The following HECA variants were observed in gnomAD, a reference collection of about 807,000 sequenced individuals.
HECA encodes headcase protein homolog.
Under a neutral mutation model 37.6 loss-of-function variants are expected in HECA, and 13 were observed. The ratio of observed to expected loss-of-function variants is 0.35; its 90% CI spans 0.23 to 0.55. The LOEUF (loss-of-function observed/expected upper bound fraction) is 0.55, where lower values mean the gene tolerates loss of function less well. Ranked by LOEUF, HECA falls within the 20% of genes least tolerant of loss-of-function variation. The pLI, the probability that HECA is intolerant of heterozygous loss-of-function variation, is 0.90. For missense variants in HECA, 527 were observed against 701.9 expected, an observed-to-expected ratio of 0.75 and a Z score of 2.82; for synonymous variants, 307 against 291.5, an observed-to-expected ratio of 1.05 and a Z score of -0.54.
intron 1 of HECA, chr6:139,155,681 C>T (rs1462710742): frequency 1.3e-5 from 2 of 152,164 alleles, no homozygotes; most frequent in Non-Finnish European, 2.9e-5. Flanking sequence ...ACATTTCCTT[C>T]AGAGCATATT....
chr6:139,155,282 T>C (rs1774698415), intron 1 of HECA, among the ~76,000 whole-genome samples: 1 of 152,186 alleles, frequency 6.6e-6, no homozygotes, highest in South Asian at 2.1e-4. Flanking sequence ...TAAACAGTGG[T>C]ACACACATGT....
chr6:139,144,896 G>A (rs1251543321), intron 1 of HECA, among the ~76,000 whole-genome samples: 1 of 152,154 alleles, frequency 6.6e-6, no homozygotes, highest in Non-Finnish European at 1.5e-5. Flanking sequence ...GCAGCCCAGT[G>A]CTTTCTGAGC....
chr6:139,137,032 C>T (rs1562241398), intron 1 of HECA, among the ~76,000 whole-genome samples: 1 of 152,138 alleles, frequency 6.6e-6, no homozygotes. Flanking sequence ...CTGTAGGCCC[C>T]GTTGGCTGTG....
Position 139,166,716 on chromosome 6 carries a change from C to G in HECA, c.704C>G (p.Pro235Arg). ...CRPPNKPQKG[P>R]SHDLPRRHSM... ...CCCCCAAATAAGCCCCAGAAAGGCC[C>G]AAGCCACGACCTCCCCCGCCGGCAT... Residue 235 changes from proline (P) to arginine (R), a missense_variant, in exon 2 of 4, where the codon CCA becomes CGA. Pro to Arg is a moderately radical substitution (Grantham distance 103). This residue lies in a region of HECA where 228 missense variants were observed against 259.8 expected (regional missense o/e 0.88). Transcript: ENST00000367658. The G allele has an allele frequency of 6.2e-7, 1 of 1,608,196 alleles. No individual in the cohort carries two copies. Among genetic ancestry groups the G allele is most frequent in the Non-Finnish European group, 8.5e-7 (1 of 1,177,764 alleles).
At chr6:139,135,695 C>A in intron 1 of HECA, 28 bp downstream of exon 1, 1 of 969,272 alleles carries the variant, frequency 1.0e-6, no homozygotes, top group South Asian at 4.7e-5. Flanking sequence ...GGGCGAGCGC[C>A]AACTTCCTCC....
intron 1 of HECA, among the ~76,000 whole-genome samples, chr6:139,156,395 A>T (rs1454398054): frequency 1.3e-5 from 2 of 152,024 alleles, no homozygotes; most frequent in African/African-American, 2.4e-5. Flanking sequence ...TTTTTGATAG[A>T]GATGAGATCT....
chr6:139,144,210 A>G (rs777092196), intron 1 of HECA: 2 of 152,228 alleles, frequency 1.3e-5, no homozygotes, highest in Non-Finnish European at 1.5e-5. Context: ...TCCATTTACT[A>G]CATATTTATT....
rs189186424 is a variant in HECA at position 139,149,366 on chromosome 6, A to G, written c.271+13699A>G. ...GTTTTATCTGCAGAAAGTGAGCATGACATGATACTGTTTGTGACGAGCTCT... is the reference window on the plus strand; with the variant it reads ...GTTTTATCTGCAGAAAGTGAGCATGGCATGATACTGTTTGTGACGAGCTCT... On this transcript the variant is annotated intron_variant, in intron 1 of 3. Coordinates refer to ENST00000367658, the MANE Select transcript of HECA (RefSeq NM_016217.3). Among the ~76,000 whole-genome samples the G allele has an allele frequency of 1.7e-3, 264 of 152,350 alleles. 1 individual carries two copies. The highest frequency in any genetic ancestry group is 6.1e-3 in the Admixed American group (93 of 15,312).
At chr6:139,156,061 A>C (rs1774708194) in intron 1 of HECA, among the ~76,000 whole-genome samples, 1 of 151,832 alleles carries the variant, frequency 6.6e-6, no homozygotes, top group Non-Finnish European at 1.5e-5. Flanking sequence ...TTATATGTTT[A>C]TATTTTCTTA....
At chr6:139,146,428 C>T (rs1774584094) in intron 1 of HECA, among the ~76,000 whole-genome samples, 1 of 152,200 alleles carries the variant, frequency 6.6e-6, no homozygotes, top group East Asian at 1.9e-4. Flanking sequence ...TAAATGAGCA[C>T]TCCTGAGTGT....
rs1284265814 is a variant in HECA, at chr6:139,179,691, T to A, written c.*2586T>A. 1 of 152,204 alleles carries A rather than the reference T, an allele frequency of 6.6e-6. No homozygotes were observed. Among genetic ancestry groups the A allele is most frequent in the Non-Finnish European group, 1.5e-5 (1 of 68,032 alleles). 9.4% of individuals were successfully genotyped at this position (152,204 alleles called of 1,614,324 possible). On this transcript the variant is annotated 3_prime_UTR_variant, in exon 4 of 4. Transcript: ENST00000367658. The stretch of plus-strand genomic sequence containing the variant: ...CAACACCATGAAGATAAATCTTATT[T>A]TGGAAATCTACTGACCTTAATACCC...
intron 1 of HECA, among the ~76,000 whole-genome samples, chr6:139,141,355 CAT>C (rs1315222581): frequency 6.6e-6 from 1 of 152,142 alleles, no homozygotes; most frequent in Non-Finnish European, 1.5e-5. Flanking sequence ...GATTTTTACA[CAT>C]AGAATAGTTT....
intron 1 of HECA, among the ~76,000 whole-genome samples, chr6:139,136,887 G>C (rs893705813): frequency 6.6e-6 from 1 of 152,050 alleles, no homozygotes; most frequent in Non-Finnish European, 1.5e-5. Context: ...GCCCGTCTCG[G>C]CCTCCCAAAG....
intron 1 of HECA, among the ~76,000 whole-genome samples, chr6:139,156,078 A>G (rs1293166967): frequency 6.6e-6 from 1 of 152,116 alleles, no homozygotes; most frequent in Non-Finnish European, 1.5e-5. Flanking sequence ...CTTATAAACA[A>G]ATACTAACTT....
At chr6:139,159,431 A>T (rs951522819) in intron 1 of HECA, among the ~76,000 whole-genome samples, 1 of 152,138 alleles carries the variant, frequency 6.6e-6, no homozygotes, top group Non-Finnish European at 1.5e-5. Context: ...TGGAACCGGG[A>T]CTTACACATA....
Position 139,174,550 on chromosome 6 carries a change from A to G in HECA, c.1467+11A>G. 2 of 1,613,274 alleles carry G rather than the reference A, an allele frequency of 1.2e-6. No individual in the cohort carries two copies. Among genetic ancestry groups the G allele is most frequent in the Non-Finnish European group, 1.7e-6 (2 of 1,179,510 alleles). ...TCTCCATGTTGTCAGGTAGGTACTG[A>G]ACACACTGAGGGAGCAGTGGGTGAT... On this transcript the variant is annotated intron_variant, in intron 3 of 3. Transcript: ENST00000367658.
chr6:139,157,941 G>A (rs1411104365), intron 1 of HECA, among the ~76,000 whole-genome samples: 1 of 152,218 alleles, frequency 6.6e-6, no homozygotes, highest in African/African-American at 2.4e-5. Context: ...ACTTAATGTG[G>A]AGAAAGGAGG....
At chr6:139,151,031 C>T (rs1189137736) in intron 1 of HECA, 1 of 152,100 alleles carries the variant, frequency 6.6e-6, no homozygotes, top group Non-Finnish European at 1.5e-5. Context: ...CTTAGACATG[C>T]CCTCTTCTTT....
intron 1 of HECA, among the ~76,000 whole-genome samples, chr6:139,162,921 T>G (rs1418112479): frequency 1.3e-5 from 2 of 152,176 alleles, no homozygotes; most frequent in Non-Finnish European, 2.9e-5. Flanking sequence ...CTCTGCTGTC[T>G]TCTGTACCCT....
Sources: allele counts gnomAD v4.1 joint callset (sites outside exome capture counted in the v4.1 genomes callset), GRCh38; gene constraint gnomAD v4.1.1; regional missense constraint gnomAD v4.1.1; transcripts MANE v1.5; gene names NCBI Gene and HGNC (gene_info 2026-07-23, HGNC 2026-07-21).